Variants in SKA2 observed in about 807,000 individuals in gnomAD.
SKA2 encodes spindle and kinetochore-associated protein 2.
Under a neutral mutation model 16.9 loss-of-function variants are expected in SKA2, and 13 were observed. The observed-to-expected ratio is 0.77, with a 90% CI of 0.50 to 1.22. The LOEUF is 1.22. SKA2 is among the 50% of genes most tolerant of loss of function. SKA2 has a pLI of 0.00. For missense variants in SKA2, 107 were observed against 139.7 expected (o/e 0.77, Z 1.18); for synonymous variants, 47 against 48.5 (o/e 0.97, Z 0.13).
intron 1 of SKA2, among the ~76,000 whole-genome samples, chr17:59,150,564 C>G (rs892328763): frequency 2.6e-5 from 4 of 152,106 alleles, no homozygotes; most frequent in Non-Finnish European, 5.9e-5. Context: ...CAGTGAGACC[C>G]TGTCTCCACA....
intron 3 of SKA2, among the ~76,000 whole-genome samples, chr17:59,115,648 C>T (rs1354924993): frequency 6.6e-6 from 1 of 152,190 alleles, no homozygotes; most frequent in Non-Finnish European, 1.5e-5. Flanking sequence ...GGCTGGAGCG[C>T]AGTGGTGCGG....
In SKA2 at chr17:59,134,900, A is replaced by G. The variant is rs1332347069; in HGVS notation, c.34-3533T>C. 2.0e-5 allele frequency among the ~76,000 whole-genome samples: 3 copies of G among 151,732 alleles called. No individual in the cohort carries two copies. The East Asian group carries it at 5.8e-4, about 29-fold the overall frequency. ...TACAAGCAGGAGTGCAGTGGCAACAACTCGGCTCACTACAGCCCCAACCTC... is the reference window on the plus strand; with the variant it reads ...TACAAGCAGGAGTGCAGTGGCAACAGCTCGGCTCACTACAGCCCCAACCTC... On this transcript the variant is annotated intron_variant, in intron 1 of 3. Coordinates refer to ENST00000330137, the MANE Select transcript of SKA2 (RefSeq NM_182620.4).
intron 2 of SKA2, among the ~76,000 whole-genome samples, chr17:59,130,907 G>A (rs1043826490): frequency 7.9e-5 from 12 of 152,082 alleles, no homozygotes; most frequent in African/African-American, 2.7e-4. Flanking sequence ...ATCTAATAGT[G>A]TATCATTACC....
intron 3 of SKA2, among the ~76,000 whole-genome samples, chr17:59,114,918 T>C (rs2147791868): frequency 6.6e-6 from 1 of 152,314 alleles, no homozygotes; most frequent in South Asian, 2.1e-4. Flanking sequence ...GGCAGCACTG[T>C]CCAATAAAAC....
At chr17:59,116,305 G>A (rs1479006320) in intron 3 of SKA2, among the ~76,000 whole-genome samples, 3 of 152,164 alleles carry the variant, frequency 2.0e-5, no homozygotes, top group African/African-American at 4.8e-5. Flanking sequence ...TCCAGGAGGC[G>A]GAAGTTGCTG....
intron 1 of SKA2, among the ~76,000 whole-genome samples, chr17:59,135,257 G>T (rs1361855294): frequency 6.7e-6 from 1 of 148,762 alleles, no homozygotes; most frequent in African/African-American, 2.5e-5. Flanking sequence ...ATTTTAGGAA[G>T]ATACCAAAGA....
intron 2 of SKA2, among the ~76,000 whole-genome samples, chr17:59,122,530 G>A (rs1315893571): frequency 1.3e-5 from 2 of 152,136 alleles, no homozygotes; most frequent in African/African-American, 4.8e-5. Context: ...AGGATCACTT[G>A]AGCCTGGGAG....
At chr17:59,114,802 A>G (rs991646524) in intron 3 of SKA2, among the ~76,000 whole-genome samples, 1 of 152,178 alleles carries the variant, frequency 6.6e-6, no homozygotes, top group Non-Finnish European at 1.5e-5. Flanking sequence ...AATAGGAGGT[A>G]CAACCTGAAG....
At chr17:59,115,450 C>G (rs111581677) in intron 3 of SKA2, among the ~76,000 whole-genome samples, 3 of 152,278 alleles carry the variant, frequency 2.0e-5, no homozygotes, top group African/African-American at 7.2e-5. Context: ...TGATATGCAG[C>G]TGGTTCCACT....
chr17:59,152,570 T>C (rs1306707199), intron 1 of SKA2, among the ~76,000 whole-genome samples: 1 of 152,242 alleles, frequency 6.6e-6, no homozygotes, highest in African/African-American at 2.4e-5. Flanking sequence ...ATAAACACTT[T>C]CTTTTCAAAT....
intron 1 of SKA2, among the ~76,000 whole-genome samples, chr17:59,139,224 C>A (rs571115361): frequency 6.6e-6 from 1 of 151,652 alleles, no homozygotes; most frequent in Non-Finnish European, 1.5e-5. Flanking sequence ...GGTGAAACCC[C>A]GTCTCTACTA....
At chr17:59,132,435 G>A (rs1360714734) in intron 1 of SKA2, among the ~76,000 whole-genome samples, 5 of 152,226 alleles carry the variant, frequency 3.3e-5, no homozygotes, top group East Asian at 1.9e-4. Context: ...AGGCTGAGGC[G>A]GGCGGGTCAC....
chr17:59,154,993 T>C (rs752174353), intron 1 of SKA2, 138 bp downstream of exon 1: 3 of 1,613,842 alleles, frequency 1.9e-6, no homozygotes, highest in Non-Finnish European at 2.5e-6. Flanking sequence ...GCGGCTCCCT[T>C]TGGTGCAGGA....
chr17:59,144,012 G>A (rs1369866829), intron 1 of SKA2, among the ~76,000 whole-genome samples: 4 of 151,810 alleles, frequency 2.6e-5, no homozygotes, highest in Non-Finnish European at 4.4e-5. Flanking sequence ...AAAAATTAGC[G>A]AGGCGTGGCG....
intron 1 of SKA2, among the ~76,000 whole-genome samples, chr17:59,146,240 G>A (rs936682320): frequency 6.6e-6 from 1 of 152,028 alleles, no homozygotes; most frequent in Non-Finnish European, 1.5e-5. Context: ...GCTCATGCCT[G>A]TAATCCCAGC....
chr17:59,142,597 G>A (rs2046499098), intron 1 of SKA2, among the ~76,000 whole-genome samples: 1 of 149,280 alleles, frequency 6.7e-6, no homozygotes, highest in South Asian at 2.1e-4. Context: ...GCCTATGTAT[G>A]TATTTTTTTA....
intron 1 of SKA2, among the ~76,000 whole-genome samples, chr17:59,145,033 G>A (rs1316944411): frequency 6.6e-6 from 1 of 152,156 alleles, no homozygotes; most frequent in Non-Finnish European, 1.5e-5. Context: ...CCTGACCGCA[G>A]ATGATCCACC....
chr17:59,145,388 C>T (rs998192490), intron 1 of SKA2, among the ~76,000 whole-genome samples: 2 of 152,120 alleles, frequency 1.3e-5, no homozygotes, highest in Non-Finnish European at 2.9e-5. Flanking sequence ...ACAATAAACA[C>T]TCATCTCTGG....
intron 1 of SKA2, among the ~76,000 whole-genome samples, chr17:59,147,846 AT>A (rs1306037941): frequency 3.4e-5 from 5 of 148,428 alleles, no homozygotes; most frequent in South Asian, 2.1e-4. Flanking sequence ...AAAAAAAAAA[AT>A]TTTTTTTTTA....
Sources: gnomAD v4.1 joint callset for allele counts (sites outside exome capture counted in the v4.1 genomes callset) on GRCh38, gnomAD v4.1.1 for gene constraint, MANE v1.5 for transcripts, NCBI Gene and HGNC (gene_info 2026-07-23, HGNC 2026-07-21) for gene names.